The following SSRP1 variants were observed in gnomAD, a reference collection of about 807,000 sequenced individuals.
SSRP1 encodes the protein FACT complex subunit SSRP1.
A neutral mutation model predicts 84.4 loss-of-function variants in SSRP1; 21 were observed. That is an observed-to-expected ratio of 0.25 (90% CI 0.18 to 0.36). The LOEUF is 0.36. SSRP1 is among the 10% of genes least tolerant of loss of function. The pLI is 1.00. For missense variants in SSRP1, 519 were observed against 900.8 expected (o/e 0.58, Z 5.43); for synonymous variants, 319 against 318.3 (o/e 1.00, Z -0.02).
rs966205328 is a variant in SSRP1, at chr11:57,335,412, G to C, written c.-119-172C>G. 17 of 382,014 alleles carry C rather than the reference G, an allele frequency of 4.5e-5. No homozygotes were observed. Among genetic ancestry groups the C allele is most frequent in the Non-Finnish European group, 8.5e-5 (17 of 199,250 alleles). The allele number at this position is 382,014 out of a possible 1,614,324, so 23.7% of individuals were successfully genotyped here. A position where few individuals can be genotyped will look rare whatever the true frequency, so the allele number is the denominator to read the frequency against. ...GGGTCCAGGTCCAGGCCTGGGTGGA[G>C]AACCGGGCCCGGAATACCGCTGACA... On this transcript the variant is annotated intron_variant, in intron 1 of 16. Transcript: ENST00000278412. The surrounding 1 kb of genome is among the most constrained non-coding windows in gnomAD (Gnocchi z 4.6).
Position 57,332,307 on chromosome 11 carries a change from A to G in SSRP1, c.873-27T>C, listed in dbSNP as rs1590609469. On this transcript the variant is annotated intron_variant, in intron 7 of 16. Coordinates refer to ENST00000278412, the MANE Select transcript of SSRP1 (RefSeq NM_003146.3). This position sits in a 1 kb window ranked among gnomAD's most constrained non-coding sequence, Gnocchi z 5.5. Reference sequence around the variant, plus strand: ...TACAAAGAAAGCAAGGTGAGGTCACAACACTACTGCCTTCTAATGGCACAC... The same window carrying G: ...TACAAAGAAAGCAAGGTGAGGTCACGACACTACTGCCTTCTAATGGCACAC... 2 of 1,614,098 alleles carry G rather than the reference A, an allele frequency of 1.2e-6. No individual in the cohort carries two copies. Among genetic ancestry groups the G allele is most frequent in the Non-Finnish European group, 1.7e-6 (2 of 1,179,996 alleles).
In SSRP1 at chr11:57,326,693, C is replaced by A. The variant is rs368784031; in HGVS notation, c.2058+10G>T. The A allele has an allele frequency of 6.2e-7, 1 of 1,611,528 alleles. No individual in the cohort carries two copies. The highest frequency in any genetic ancestry group is 8.5e-7 in the Non-Finnish European group (1 of 1,178,392). ...CTGCCCAGCCCACAGGCCCCACATT[C>A]CTGCCGCACCTCGCTCCTCCTCCTC... On this transcript the variant is annotated intron_variant, in intron 16 of 16. Coordinates refer to ENST00000278412, the MANE Select transcript of SSRP1 (RefSeq NM_003146.3).
At position 57,326,204 on chromosome 11, in the gene SSRP1, CA is replaced by C; in HGVS notation, c.*202del. 1 of 606,650 alleles carries C rather than the reference CA, an allele frequency of 1.6e-6. No individual in the cohort carries two copies. The highest frequency in any genetic ancestry group is 1.8e-5 in the African/African-American group (1 of 54,100). 37.6% of individuals were successfully genotyped at this position (606,650 alleles called of 1,614,324 possible). On this transcript the variant is annotated 3_prime_UTR_variant, in exon 17 of 17. Coordinates refer to ENST00000278412, the MANE Select transcript of SSRP1 (RefSeq NM_003146.3). ...CCCTGCCTCCCACCCTATCTCTCCC[CA>C]AATTATAAACAGCCATCCTTGGGAA...
In SSRP1 at chr11:57,335,323, T is replaced by A; in HGVS notation, c.-119-83A>T. The A allele has an allele frequency of 1.7e-6, 1 of 574,708 alleles. No homozygotes were observed. 35.6% of individuals were successfully genotyped at this position (574,708 alleles called of 1,614,324 possible). On this transcript the variant is annotated intron_variant, in intron 1 of 16. Transcript: ENST00000278412. This position sits in a 1 kb window ranked among gnomAD's most constrained non-coding sequence, Gnocchi z 4.6. Reference sequence around the variant, plus strand: ...ATGGAGCCAGGTAGCAACTCCCAGCTGCGCCTGGATGTCTCAGGATTTCCT... The same window carrying A: ...ATGGAGCCAGGTAGCAACTCCCAGCAGCGCCTGGATGTCTCAGGATTTCCT...
At position 57,327,409 on chromosome 11, in the gene SSRP1, A is replaced by G. The variant is rs202039789; in HGVS notation, c.1871+17T>C. The G allele has an allele frequency of 1.5e-4, 246 of 1,609,032 alleles. 2 individuals are homozygous for G. In the East Asian group the frequency reaches 4.3e-3, roughly 28 times the overall value. On this transcript the variant is annotated intron_variant, in intron 15 of 16. Transcript: ENST00000278412. The stretch of plus-strand genomic sequence containing the variant: ...TGCCACAAAAATCAGTGACTGGGCC[A>G]TGTTCTCGACACTCACCTCTTAGAA...
At chr11:57,327,575 T>C (rs1387045807) in intron 14 of SSRP1, 61 bp from the exon 15 acceptor site, 13 of 1,608,350 alleles carry the variant, frequency 8.1e-6, no homozygotes, top group Non-Finnish European at 1.1e-5. Flanking sequence ...CCCTCTCCCC[T>C]GATGCAGGCA....
Position 57,330,280 on chromosome 11 carries a change from G to A in SSRP1, c.1435+11C>T, listed in dbSNP as rs1379263440. ...TGACCATCCTCGTGCTCAGCACGGAGGCTAACCCACCGGTTTCTTCTCCTG... is the reference window on the plus strand; with the variant it reads ...TGACCATCCTCGTGCTCAGCACGGAAGCTAACCCACCGGTTTCTTCTCCTG... On this transcript the variant is annotated intron_variant, in intron 11 of 16. Coordinates refer to ENST00000278412, the MANE Select transcript of SSRP1 (RefSeq NM_003146.3). The surrounding 1 kb of genome is among the most constrained non-coding windows in gnomAD (Gnocchi z 4.0). 1.2e-6 allele frequency: 2 copies of A among 1,614,092 alleles called. No individual in the cohort carries two copies. The highest frequency in any genetic ancestry group is 1.7e-5 in the Admixed American group (1 of 60,016).
intron 2 of SSRP1, among the ~76,000 whole-genome samples, 167 bp downstream of exon 2, chr11:57,334,901 G>A (rs1024249625): frequency 2.0e-5 from 3 of 152,242 alleles, no homozygotes; most frequent in Admixed American, 6.5e-5. Flanking sequence ...CTATAACTCT[G>A]AGACTATCTC....
At chr11:57,328,601 C>T (rs919053489) in intron 12 of SSRP1, 175 bp from the exon 13 acceptor site, 28 of 893,414 alleles carry the variant, frequency 3.1e-5, no homozygotes, top group Non-Finnish European at 4.1e-5. Flanking sequence ...ACTGTGGTGG[C>T]TTCAGCCATG....
chr11:57,335,137 T>C lies in SSRP1; in HGVS notation c.-16A>G. ...TCTCTGCCATGTCGACCCCTGCCTG[T>C]GGTGGCCTGGGCAGAGCCCCAGGCT... On this transcript the variant is annotated 5_prime_UTR_variant, in exon 2 of 17. Coordinates refer to ENST00000278412, the MANE Select transcript of SSRP1 (RefSeq NM_003146.3). This position sits in a 1 kb window ranked among gnomAD's most constrained non-coding sequence, Gnocchi z 4.6. 2 of 1,613,990 alleles carry C rather than the reference T, an allele frequency of 1.2e-6. No individual in the cohort carries two copies. Among genetic ancestry groups the C allele is most frequent in the Non-Finnish European group, 1.7e-6 (2 of 1,179,912 alleles).
At chr11:57,327,250 G>T in intron 15 of SSRP1, 176 bp downstream of exon 15, 1 of 725,246 alleles carries the variant, frequency 1.4e-6, no homozygotes, top group Non-Finnish European at 2.3e-6. Context: ...TGACTTGAAT[G>T]CCCTATTGTG....
rs761767957 is a variant in SSRP1 at position 57,332,449 on chromosome 11, C to T, written c.806G>A (p.Arg269His). 1.9e-6 allele frequency: 3 copies of T among 1,613,824 alleles called. No individual in the cohort carries two copies. The change falls in exon 7 of 17, where the codon CGC becomes CAC. Residue 269 changes from arginine (R) to histidine (H), a missense_variant. Arg to His is a conservative substitution (Grantham distance 29, BLOSUM62 0). This residue lies in a region of SSRP1 where 159 missense variants were observed against 359.0 expected (regional missense o/e 0.44). Transcript: ENST00000278412. The surrounding 1 kb of genome is among the most constrained non-coding windows in gnomAD (Gnocchi z 5.5). Reference sequence around the variant, plus strand: ...GAAGAGGAGGATCAGGAAGTGGTAGCGAGTTTGGCCTTGCTTGATTGGGGG... The same window carrying T: ...GAAGAGGAGGATCAGGAAGTGGTAGTGAGTTTGGCCTTGCTTGATTGGGGG... ...LDPPIKQGQT[R>H]YHFLILLFSK... is the part of the protein sequence containing the mutation.
Position 57,332,365 on chromosome 11 carries a change from G to T in SSRP1, c.872+18C>A. On this transcript the variant is annotated intron_variant, in intron 7 of 16. Transcript: ENST00000278412. The surrounding 1 kb of genome is among the most constrained non-coding windows in gnomAD (Gnocchi z 5.5). ...CTGCCTGGACAGTGGTAGGAAACGA[G>T]TCCAGGGAGACACTCACTCGTTCAT... 1 of 1,614,056 alleles carries T rather than the reference G, an allele frequency of 6.2e-7. No individual in the cohort carries two copies. The highest frequency in any genetic ancestry group is 8.5e-7 in the Non-Finnish European group (1 of 1,179,954).
Position 57,332,612 on chromosome 11 carries a change from G to C in SSRP1, c.768+13C>G, listed in dbSNP as rs777104346. Reference sequence around the variant, plus strand: ...AAAACCAGGATTATCCGGCCATAGGGGTTTCTGCTTACCACAAAGAACATC... The same window carrying C: ...AAAACCAGGATTATCCGGCCATAGGCGTTTCTGCTTACCACAAAGAACATC... On this transcript the variant is annotated intron_variant, in intron 6 of 16. Coordinates refer to ENST00000278412, the MANE Select transcript of SSRP1 (RefSeq NM_003146.3). The surrounding 1 kb of genome is among the most constrained non-coding windows in gnomAD (Gnocchi z 5.5). The C allele has an allele frequency of 6.2e-7, 1 of 1,609,148 alleles. No homozygotes were observed. The highest frequency in any genetic ancestry group is 1.7e-5 in the Admixed American group (1 of 59,888).
At chr11:57,333,816 T>TTG (rs1478121723) in intron 3 of SSRP1, among the ~76,000 whole-genome samples, 2 of 152,182 alleles carry the variant, frequency 1.3e-5, no homozygotes, top group Non-Finnish European at 2.9e-5. Flanking sequence ...ATAAAGCCTT[T>TTG]AACTCAAGCA....
In SSRP1 at chr11:57,332,586, A is replaced by C; in HGVS notation, c.768+39T>G. On this transcript the variant is annotated intron_variant, in intron 6 of 16. Transcript: ENST00000278412. The surrounding 1 kb of genome is among the most constrained non-coding windows in gnomAD (Gnocchi z 5.5). ...AGATCCATCTACTTAACACTTAGGC[A>C]AAAACCAGGATTATCCGGCCATAGG... 6.2e-7 allele frequency: 1 copy of C among 1,605,688 alleles called. No individual in the cohort carries two copies. Among genetic ancestry groups the C allele is most frequent in the Non-Finnish European group, 8.5e-7 (1 of 1,173,696 alleles).
chr11:57,327,662 A>G, intron 14 of SSRP1, 50 bp downstream of exon 14: 1 of 1,607,582 alleles, frequency 6.2e-7, no homozygotes, highest in Non-Finnish European at 8.5e-7. Flanking sequence ...CCAAGACAGC[A>G]CCTCTCGCCA....
chr11:57,330,038 T>C lies in SSRP1; in HGVS notation c.1481+55A>G, dbSNP rs1277475782. ...TGAGAAATGTCCAGAAATCTTCTGG[T>C]CCCTTAAGCTTATGGGTCACCATCT... On this transcript the variant is annotated intron_variant, in intron 12 of 16. Coordinates refer to ENST00000278412, the MANE Select transcript of SSRP1 (RefSeq NM_003146.3). This position sits in a 1 kb window ranked among gnomAD's most constrained non-coding sequence, Gnocchi z 4.0. 12 of 1,604,274 alleles carry C rather than the reference T, an allele frequency of 7.5e-6. No individual in the cohort carries two copies. The highest frequency in any genetic ancestry group is 1.1e-5 in the South Asian group (1 of 90,906).
chr11:57,328,594 G>T, intron 12 of SSRP1, 168 bp from the exon 13 acceptor site: 1 of 974,986 alleles, frequency 1.0e-6, no homozygotes. Context: ...CCCATTCACT[G>T]TGGTGGCTTC....
Sources: gnomAD v4.1 joint callset for allele counts (sites outside exome capture counted in the v4.1 genomes callset) on GRCh38, gnomAD v4.1.1 for gene constraint, gnomAD v4.1.1 regional missense constraint, Gnocchi (gnomAD v3.1) non-coding constraint, MANE v1.5 for transcripts, NCBI Gene and HGNC (gene_info 2026-07-23, HGNC 2026-07-21) for gene names.